COL18A1: variants seen among roughly 807,000 people sequenced by gnomAD.
COL18A1 encodes the protein collagen type XVIII alpha 1 chain, also known as collagen alpha-1(XVIII) chain.
In COL18A1, 133 loss-of-function variants were observed where a neutral mutation model predicts 168.0. The ratio of observed to expected loss-of-function variants is 0.79; its 90% CI spans 0.69 to 0.91. The LOEUF (loss-of-function observed/expected upper bound fraction) is 0.91, where lower values mean the gene tolerates loss of function less well. Ranked by LOEUF, COL18A1 falls within the 40% of genes least tolerant of loss-of-function variation. The probability of loss-of-function intolerance (pLI) is 0.00; values close to 1 mark genes in which losing one functional copy is unlikely to be tolerated. For synonymous variants in COL18A1, 949 were observed against 809.0 expected, an observed-to-expected ratio of 1.17 and a Z score of -2.94; for missense variants, 2,126 against 1,925.4, an observed-to-expected ratio of 1.10 and a Z score of -1.95.
At chr21:45,415,926 G>A (rs536270661) in intron 2 of COL18A1, among the ~76,000 whole-genome samples, 14 of 152,158 alleles carry the variant, frequency 9.2e-5, no homozygotes, top group African/African-American at 3.1e-4. Context: ...CCGGGAGAGT[G>A]TGGGCCCCCG....
Position 45,511,052 on chromosome 21 carries a change from ACCCACACCCATCCACACC to A in COL18A1, c.3694-51_3694-34del. On this transcript the variant is annotated intron_variant, in intron 40 of 41. Transcript: ENST00000651438. ...CACATCCACACACCCCCCCACAAAC[ACCCACACCCATCCACACC>A]CCCACACACCACACACACATACACA... is the stretch of plus-strand genomic sequence containing the variant. 2 of 513,432 alleles carry A rather than the reference ACCCACACCCATCCACACC, an allele frequency of 3.9e-6. 1 individual carries two copies. Among genetic ancestry groups the A allele is most frequent in the South Asian group, 3.2e-5 (2 of 62,066 alleles). 31.8% of individuals were successfully genotyped at this position (513,432 alleles called of 1,614,324 possible). A position where few individuals can be genotyped will look rare whatever the true frequency, so the allele number is the denominator to read the frequency against.
At chr21:45,437,930 A>ACT (rs2034225627) in intron 2 of COL18A1, among the ~76,000 whole-genome samples, 1 of 73,684 alleles carries the variant, frequency 1.4e-5, no homozygotes, top group Admixed American at 1.3e-4. Flanking sequence ...TCCTGCACAC[A>ACT]CACACACACA....
intron 2 of COL18A1, among the ~76,000 whole-genome samples, chr21:45,439,402 CAG>C (rs1464056889): frequency 1.3e-5 from 2 of 152,260 alleles, no homozygotes; most frequent in Admixed American, 1.3e-4. Flanking sequence ...GGCTGGTGGG[CAG>C]AGAGGTCATG....
chr21:45,494,937 T>C (rs2036480636), intron 28 of COL18A1, 22 bp downstream of exon 28: 1 of 1,603,820 alleles, frequency 6.2e-7, no homozygotes, highest in Non-Finnish European at 8.5e-7. Context: ...GGGTCTCCAG[T>C]GGGGGCGGCA....
rs767176091 is a variant in COL18A1, at chr21:45,505,842, G to T, written c.3092G>T (p.Arg1031Met). 6.2e-7 allele frequency: 1 copy of T among 1,600,688 alleles called. No homozygotes were observed. Among genetic ancestry groups the T allele is most frequent in the African/African-American group, 1.3e-5 (1 of 74,786 alleles). The change falls in exon 37 of 42, where the codon AGG becomes ATG. Residue 1031 changes from arginine to methionine, a missense_variant. Transcript: ENST00000651438. ...PGTMGASSGV[R>M]LWATRQAMLG... ...CTCTGCATTTGGTCCCAGCAGGTGA[G>T]GCTCTGGGCTACACGCCAGGCCATG...
chr21:45,427,244 G>A (rs1000233511), intron 2 of COL18A1, among the ~76,000 whole-genome samples: 7 of 152,058 alleles, frequency 4.6e-5, no homozygotes, highest in Admixed American at 2.0e-4. Context: ...TTTCTCTCTC[G>A]ACCTTTTAAA....
intron 32 of COL18A1, among the ~76,000 whole-genome samples, chr21:45,499,969 A>C (rs181493370): frequency 1.2e-3 from 180 of 152,348 alleles, no homozygotes; most frequent in African/African-American, 4.0e-3. Context: ...ATTGAAGGAC[A>C]GACATTGTCA....
At chr21:45,496,186 G>A in intron 29 of COL18A1, 1 of 543,388 alleles carries the variant, frequency 1.8e-6, no homozygotes, top group South Asian at 1.6e-5. Context: ...TGAGCCAAGA[G>A]CTTTGTCTCC....
chr21:45,437,767 TGC>T (rs1491527585), intron 2 of COL18A1, among the ~76,000 whole-genome samples: 2 of 35,364 alleles, frequency 5.7e-5, no homozygotes, highest in Admixed American at 5.6e-4. Context: ...GGCACTCTCC[TGC>T]ACACACACAC....
chr21:45,440,725 G>C (rs543942646), intron 2 of COL18A1, among the ~76,000 whole-genome samples: 1 of 152,310 alleles, frequency 6.6e-6, no homozygotes, highest in African/African-American at 2.4e-5. Flanking sequence ...GAAGCAGTCA[G>C]GGCCTGCGGG....
rs370138639 is a variant in COL18A1 at position 45,486,983 on chromosome 21, C to T, written c.1824C>T (p.Pro608=). 6.8e-5 allele frequency: 104 copies of T among 1,520,590 alleles called. 2 individuals are homozygous for T. In the South Asian group the frequency reaches 9.8e-4, roughly 14 times the overall value. 94.2% of individuals were successfully genotyped at this position (1,520,590 alleles called of 1,614,324 possible). Residue 608 remains proline (P), a synonymous_variant, in exon 16 of 42, where the codon CCC becomes CCT. Coordinates refer to ENST00000651438, the MANE Select transcript of COL18A1 (RefSeq NM_001379500.1). ...CTGGGCCCCCAGGACCAGGACTCCCCGCTGGATTTGTGAGTACCGCCTACA... is the reference window on the plus strand; with the variant it reads ...CTGGGCCCCCAGGACCAGGACTCCCTGCTGGATTTGTGAGTACCGCCTACA... The part of the protein sequence containing the change: ...GPPGPPGPGL[P]AGFDDMEGSG...
At position 45,474,610 on chromosome 21, in the gene COL18A1, C is replaced by T. The variant is rs1351925285; in HGVS notation, c.738+629C>T. Among the ~76,000 whole-genome samples the T allele has an allele frequency of 2.0e-5, 3 of 151,400 alleles. No homozygotes were observed. In the South Asian group the frequency reaches 6.3e-4, roughly 32 times the overall value. ...TGTGTTGGTGGGGTGTGTGGAATCA[C>T]GTGGTACCCAAGGGGAGAATCCCCC... On this transcript the variant is annotated intron_variant, in intron 4 of 41. Coordinates refer to ENST00000651438, the MANE Select transcript of COL18A1 (RefSeq NM_001379500.1).
At chr21:45,455,655 C>G in intron 2 of COL18A1, 1 of 1,613,916 alleles carries the variant, frequency 6.2e-7, no homozygotes, top group South Asian at 1.1e-5. Context: ...AGCCATGCAG[C>G]TACCACGATC....
In COL18A1 at chr21:45,439,463, C is replaced by G. The variant is rs538503435; in HGVS notation, c.107-28779C>G. On this transcript the variant is annotated intron_variant, in intron 2 of 41. Transcript: ENST00000651438. Reference sequence around the variant, plus strand: ...CGTATCGCAACGTGTGCGTTACGTTCATCATAAAAACGTCCGACGAAACCA... The same window carrying G: ...CGTATCGCAACGTGTGCGTTACGTTGATCATAAAAACGTCCGACGAAACCA... Among the ~76,000 whole-genome samples the G allele has an allele frequency of 1.3e-3, 205 of 152,388 alleles. 1 individual carries two copies. The highest frequency in any genetic ancestry group is 4.7e-3 in the African/African-American group (194 of 41,592).
At position 45,477,445 on chromosome 21, in the gene COL18A1, G is replaced by A. The variant is rs778100248; in HGVS notation, c.963G>A (p.Thr321=). 1.9e-5 allele frequency: 31 copies of A among 1,612,976 alleles called. No homozygotes were observed. Among genetic ancestry groups the A allele is most frequent in the East Asian group, 2.2e-5 (1 of 44,862 alleles). Residue 321 remains threonine, a synonymous_variant, in exon 7 of 42, where the codon ACG becomes ACA. Transcript: ENST00000651438. ...TTCCTGGCTCAGATTCTGTCTCCAC[G>A]TGGGACGGGAGTGTCCGGACCCCTG... ...QTLPGSDSVS[T]WDGSVRTPGG... is the part of the protein sequence containing the mutation.
intron 14 of COL18A1, among the ~76,000 whole-genome samples, chr21:45,482,591 G>A (rs1447905276): frequency 1.3e-5 from 2 of 152,170 alleles, no homozygotes; most frequent in African/African-American, 2.4e-5. Context: ...CAGGCTTGGC[G>A]TCCCTTGTGG....
chr21:45,501,514 G>A (rs576842585), intron 32 of COL18A1, among the ~76,000 whole-genome samples: 3 of 152,274 alleles, frequency 2.0e-5, no homozygotes, highest in Admixed American at 6.5e-5. Context: ...GGTCTTCCAC[G>A]TGGCTCAGGA....
intron 2 of COL18A1, among the ~76,000 whole-genome samples, chr21:45,413,454 C>T (rs964644104): frequency 2.0e-5 from 3 of 152,236 alleles, no homozygotes; most frequent in African/African-American, 4.8e-5. Flanking sequence ...TAAAGTCTCC[C>T]GCTACGACCC....
chr21:45,505,203 T>G lies in COL18A1; in HGVS notation c.2938T>G (p.Tyr980Asp). The G allele has an allele frequency of 6.2e-7, 1 of 1,603,752 alleles. No homozygotes were observed. Among genetic ancestry groups the G allele is most frequent in the Non-Finnish European group, 8.5e-7 (1 of 1,176,216 alleles). ...ACCTCAGGGACCCCCCGGCATCGGC[T>G]ACGAGGGGCGCCAGGGCCCTCCCGG... is the stretch of plus-strand genomic sequence containing the variant. Reference protein sequence around the residue: ...PGPQGPPGIGYEGRQGPPGPP... With the variant: ...PGPQGPPGIGDEGRQGPPGPP... Residue 980 changes from tyrosine (Y) to aspartate (D), a missense_variant, in exon 35 of 42, where the codon TAC becomes GAC. Tyr to Asp is a radical substitution (Grantham distance 160). Coordinates refer to ENST00000651438, the MANE Select transcript of COL18A1 (RefSeq NM_001379500.1).
Sources: gnomAD v4.1 joint callset for allele counts (sites outside exome capture counted in the v4.1 genomes callset) on GRCh38, gnomAD v4.1.1 for gene constraint, MANE v1.5 for transcripts, NCBI Gene and HGNC (gene_info 2026-07-23, HGNC 2026-07-21) for gene names.